Variants in ANKS1B observed in about 807,000 individuals in gnomAD.
ANKS1B encodes ankyrin repeat and sterile alpha motif domain containing 1B, also known as ankyrin repeat and sterile alpha motif domain-containing protein 1B.
ANKS1B carries 36 observed loss-of-function variants against 148.3 expected under a neutral mutation model. The observed-to-expected ratio is 0.24, with a 90% CI of 0.19 to 0.32. The LOEUF is 0.32. Ranked by LOEUF, ANKS1B falls within the 10% of genes least tolerant of loss-of-function variation. The probability of loss-of-function intolerance (pLI) is 1.00; values close to 1 mark genes in which losing one functional copy is unlikely to be tolerated. For synonymous variants in ANKS1B, 542 were observed against 560.8 expected, an observed-to-expected ratio of 0.97 and a Z score of 0.47; for missense variants, 1,157 against 1,542.6, an observed-to-expected ratio of 0.75 and a Z score of 4.19.
intron 8 of ANKS1B, among the ~76,000 whole-genome samples, chr12:99,708,495 G>A (rs1003609606): frequency 7.9e-5 from 12 of 152,102 alleles, no homozygotes; most frequent in African/African-American, 2.9e-4. Flanking sequence ...TAAAGTCAAG[G>A]TGCCACAAGG....
chr12:99,727,387 C>A (rs990696592), intron 8 of ANKS1B, among the ~76,000 whole-genome samples: 1 of 151,988 alleles, frequency 6.6e-6, no homozygotes, highest in African/African-American at 2.4e-5. Context: ...CTCCCATTCA[C>A]AATTGCTATA....
chr12:99,597,727 TA>T (rs1484561636), intron 9 of ANKS1B, among the ~76,000 whole-genome samples: 4 of 151,994 alleles, frequency 2.6e-5, no homozygotes, highest in African/African-American at 9.7e-5. Context: ...GTTTCTATAA[TA>T]AAAATACCAA....
chr12:99,975,984 G>A (rs1019465789), intron 1 of ANKS1B, among the ~76,000 whole-genome samples: 2 of 152,004 alleles, frequency 1.3e-5, no homozygotes, highest in African/African-American at 2.4e-5. Flanking sequence ...AAGAAAATGT[G>A]GTACATATAC....
intron 15 of ANKS1B, among the ~76,000 whole-genome samples, chr12:99,085,508 C>T (rs953337823): frequency 7.9e-5 from 12 of 152,008 alleles, no homozygotes; most frequent in East Asian, 7.7e-4. Flanking sequence ...AGATTTTGTG[C>T]GGAAGGCTGA....
intron 22 of ANKS1B, among the ~76,000 whole-genome samples, chr12:98,786,796 C>G (rs1421344284): frequency 6.6e-6 from 1 of 152,174 alleles, no homozygotes; most frequent in African/African-American, 2.4e-5. Flanking sequence ...TCAGCACAGA[C>G]AGGGAAAACA....
intron 17 of ANKS1B, among the ~76,000 whole-genome samples, chr12:99,051,826 A>AT (rs2099966270): frequency 6.6e-6 from 1 of 152,210 alleles, no homozygotes; most frequent in African/African-American, 2.4e-5. Flanking sequence ...AAAAGACATT[A>AT]TTTTTTCAGA....
chr12:99,077,208 T>A (rs754243932), intron 16 of ANKS1B, among the ~76,000 whole-genome samples: 26 of 152,220 alleles, frequency 1.7e-4, no homozygotes, highest in Non-Finnish European at 2.9e-4. Flanking sequence ...TCCCGTCATG[T>A]ATTTACTTTA....
At chr12:98,858,290 G>T (rs775560191) in intron 17 of ANKS1B, among the ~76,000 whole-genome samples, 1 of 152,202 alleles carries the variant, frequency 6.6e-6, no homozygotes, top group African/African-American at 2.4e-5. Flanking sequence ...GAAGAGAAAG[G>T]TAAGTATGTT....
At chr12:99,901,055 C>T (rs1459860520) in intron 1 of ANKS1B, among the ~76,000 whole-genome samples, 1 of 152,108 alleles carries the variant, frequency 6.6e-6, no homozygotes, top group South Asian at 2.1e-4. Context: ...AGCTAACACA[C>T]AAAATCACTA....
intron 14 of ANKS1B, among the ~76,000 whole-genome samples, chr12:99,169,341 G>C (rs1453188849): frequency 6.6e-6 from 1 of 152,166 alleles, no homozygotes; most frequent in Non-Finnish European, 1.5e-5. Flanking sequence ...CAGTTAAGGT[G>C]AGTAAAATGA....
At chr12:99,529,830 A>AT (rs745919589) in intron 9 of ANKS1B, among the ~76,000 whole-genome samples, 32 of 151,546 alleles carry the variant, frequency 2.1e-4, no homozygotes, top group Non-Finnish European at 4.3e-4. Flanking sequence ...ATTTAGCTCC[A>AT]TTTTAACCAG....
At chr12:98,845,249 A>T (rs188314088) in intron 17 of ANKS1B, among the ~76,000 whole-genome samples, 14 of 152,356 alleles carry the variant, frequency 9.2e-5, no homozygotes, top group Non-Finnish European at 1.6e-4. Context: ...GAATTTAAGG[A>T]ACTTGTCAAA....
intron 14 of ANKS1B, among the ~76,000 whole-genome samples, chr12:99,193,701 G>A (rs1198010347): frequency 6.6e-6 from 1 of 150,514 alleles, no homozygotes; most frequent in Non-Finnish European, 1.5e-5. Flanking sequence ...TGAATGAATT[G>A]CTCATCTGAC....
At chr12:98,833,881 G>A (rs1442430638) in intron 17 of ANKS1B, among the ~76,000 whole-genome samples, 2 of 152,126 alleles carry the variant, frequency 1.3e-5, no homozygotes, top group African/African-American at 2.4e-5. Context: ...TAACTTAAGG[G>A]TAATGGCCTT....
At chr12:99,312,063 C>T (rs1358452199) in intron 12 of ANKS1B, among the ~76,000 whole-genome samples, 3 of 152,058 alleles carry the variant, frequency 2.0e-5, no homozygotes, top group Admixed American at 6.6e-5. Flanking sequence ...ACAATAGCAT[C>T]GAAATAAATC....
intron 16 of ANKS1B, among the ~76,000 whole-genome samples, chr12:99,056,999 C>G (rs1427622204): frequency 1.3e-5 from 2 of 152,162 alleles, no homozygotes; most frequent in Non-Finnish European, 2.9e-5. Context: ...TACTCCACTG[C>G]CCAAGCAGAA....
chr12:99,940,046 G>C (rs996652), intron 1 of ANKS1B, among the ~76,000 whole-genome samples: 92,476 of 152,120 alleles, frequency 0.61, 29,307 homozygotes, highest in African/African-American at 0.7. Context: ...TCAATGTTGT[G>C]TGACAAAATC....
downstream of ANKS1B, among the ~76,000 whole-genome samples, chr12:98,739,228 T>G (rs1483152392): frequency 2.6e-5 from 4 of 152,210 alleles, no homozygotes; most frequent in Non-Finnish European, 5.9e-5. Context: ...ACTTCAGTTC[T>G]GCATTTCATT....
chr12:99,725,678 C>G (rs2058550270), intron 8 of ANKS1B, among the ~76,000 whole-genome samples: 1 of 152,168 alleles, frequency 6.6e-6, no homozygotes, highest in Non-Finnish European at 1.5e-5. Flanking sequence ...ACAGAACCCT[C>G]CACACCAAAT....
Sources: allele counts gnomAD v4.1 joint callset (sites outside exome capture counted in the v4.1 genomes callset), GRCh38; gene constraint gnomAD v4.1.1; transcripts MANE v1.5; gene names NCBI Gene and HGNC (gene_info 2026-07-23, HGNC 2026-07-21).